TMC1: variants seen among roughly 807,000 people sequenced by gnomAD.
The protein encoded by TMC1 is transmembrane channel like 1, also known as transmembrane channel-like protein 1.
Under a neutral mutation model 105.8 loss-of-function variants are expected in TMC1, and 84 were observed. The observed-to-expected ratio is 0.79, with a 90% CI of 0.67 to 0.95. The LOEUF (loss-of-function observed/expected upper bound fraction) is 0.95. Among genes scored for constraint, TMC1 ranks in the 40% least tolerant of loss-of-function variants. The probability of loss-of-function intolerance (pLI) is 0.00; values close to 1 mark genes in which losing one functional copy is unlikely to be tolerated. For missense variants in TMC1, 817 were observed against 914.1 expected, an observed-to-expected ratio of 0.89 and a Z score of 1.37; for synonymous variants, 315 against 311.5, an observed-to-expected ratio of 1.01 and a Z score of -0.12.
chr9:72,673,909 C>T (rs1826163266), intron 5 of TMC1, among the ~76,000 whole-genome samples: 1 of 152,024 alleles, frequency 6.6e-6, no homozygotes, highest in Admixed American at 6.6e-5. Context: ...AAATATTTCC[C>T]AACTCTCCCT....
intron 8 of TMC1, among the ~76,000 whole-genome samples, chr9:72,731,577 C>T (rs1179613564): frequency 1.3e-5 from 2 of 152,162 alleles, no homozygotes; most frequent in Admixed American, 6.5e-5. Context: ...TCTTGTATAT[C>T]ATTGTTGAAA....
At chr9:72,751,520 A>C (rs1182459805) in intron 10 of TMC1, among the ~76,000 whole-genome samples, 1 of 152,246 alleles carries the variant, frequency 6.6e-6, no homozygotes, top group Non-Finnish European at 1.5e-5. Flanking sequence ...GTATTAACTC[A>C]AGAAATAAAA....
chr9:72,760,170 A>G (rs1386587237), intron 12 of TMC1, among the ~76,000 whole-genome samples: 2 of 152,124 alleles, frequency 1.3e-5, no homozygotes, highest in Non-Finnish European at 2.9e-5. Flanking sequence ...TTGGTTGGTT[A>G]GCAAAGTTCT....
In TMC1 at chr9:72,789,253, T is replaced by C. The variant is rs1828222634; in HGVS notation, c.1160T>C (p.Val387Ala). 6.2e-7 allele frequency: 1 copy of C among 1,614,110 alleles called. No homozygotes were observed. The highest frequency in any genetic ancestry group is 8.5e-7 in the Non-Finnish European group (1 of 1,179,952). Residue 387 changes from valine to alanine, a missense_variant, in exon 15 of 24, where the codon GTG becomes GCG. Transcript: ENST00000297784. The stretch of plus-strand genomic sequence containing the variant: ...AGTGGATACCTCATCTTTTGGGCTG[T>C]GAAGCGATCCCAGGAATTTGCACAG... ...GGSGYLIFWAVKRSQEFAQQD... is the reference protein window; with the variant it reads ...GGSGYLIFWAAKRSQEFAQQD...
chr9:72,755,646 C>T (rs1446983061), intron 12 of TMC1, among the ~76,000 whole-genome samples: 1 of 152,022 alleles, frequency 6.6e-6, no homozygotes, highest in Non-Finnish European at 1.5e-5. Flanking sequence ...TAAGTAGTGA[C>T]TAGACTAGAA....
At chr9:72,617,908 GGTGTGTGTGTGTGTGTGTGT>G (rs58657161) in intron 3 of TMC1, among the ~76,000 whole-genome samples, 2 of 144,316 alleles carry the variant, frequency 1.4e-5, no homozygotes, top group African/African-American at 2.6e-5. Flanking sequence ...GTCTATGTGT[GGTGTGTGTGTGTGTGTGTGT>G]GTGTGTGTGT....
At chr9:72,775,846 T>C (rs1190499827) in intron 13 of TMC1, among the ~76,000 whole-genome samples, 1 of 152,158 alleles carries the variant, frequency 6.6e-6, no homozygotes, top group African/African-American at 2.4e-5. Context: ...GAGATCACGA[T>C]GGTGAGATAG....
intron 13 of TMC1, among the ~76,000 whole-genome samples, chr9:72,773,838 A>C (rs527288409): frequency 3.3e-5 from 5 of 152,230 alleles, no homozygotes; most frequent in Admixed American, 6.5e-5. Flanking sequence ...CATTCTGCCT[A>C]GGTTCAAATC....
At chr9:72,604,703 G>T (rs1824879199) in intron 2 of TMC1, among the ~76,000 whole-genome samples, 1 of 152,166 alleles carries the variant, frequency 6.6e-6, no homozygotes, top group Admixed American at 6.5e-5. Flanking sequence ...ATGCTGGTTG[G>T]GTGAATTCAG....
chr9:72,804,654 A>G (rs73647825), intron 17 of TMC1, among the ~76,000 whole-genome samples: 2,609 of 152,236 alleles, frequency 0.017, 65 homozygotes, highest in African/African-American at 0.055. Context: ...CTAAAAGTGG[A>G]TTTTCTTGAT....
At chr9:72,820,534 A>G (rs1828850008) in intron 19 of TMC1, among the ~76,000 whole-genome samples, 2 of 152,216 alleles carry the variant, frequency 1.3e-5, no homozygotes, top group African/African-American at 4.8e-5. Context: ...AAGTAAAACA[A>G]TTGTAAATAT....
intron 4 of TMC1, among the ~76,000 whole-genome samples, chr9:72,646,819 A>G (rs912860251): frequency 2.0e-5 from 3 of 151,880 alleles, no homozygotes; most frequent in Admixed American, 1.3e-4. Flanking sequence ...ATAATAAAAC[A>G]GTTCTTTATT....
At chr9:72,564,972 G>C (rs567118775) in intron 1 of TMC1, among the ~76,000 whole-genome samples, 1 of 152,128 alleles carries the variant, frequency 6.6e-6, no homozygotes, top group Non-Finnish European at 1.5e-5. Context: ...AACTACTTAC[G>C]TATGTAATTT....
intron 8 of TMC1, among the ~76,000 whole-genome samples, chr9:72,734,815 A>G (rs1005315890): frequency 2.0e-5 from 3 of 152,204 alleles, no homozygotes; most frequent in African/African-American, 4.8e-5. Flanking sequence ...TTGTTGCTCA[A>G]TCATACTATC....
intron 8 of TMC1, among the ~76,000 whole-genome samples, chr9:72,718,779 T>C (rs1324355811): frequency 2.0e-5 from 3 of 152,274 alleles, no homozygotes; most frequent in Admixed American, 2.0e-4. Context: ...CAAGAAAATA[T>C]GAACTTTGTC....
chr9:72,564,971 C>T (rs148977549), intron 1 of TMC1, among the ~76,000 whole-genome samples: 169 of 152,238 alleles, frequency 1.1e-3, no homozygotes, highest in African/African-American at 3.8e-3. Flanking sequence ...TAACTACTTA[C>T]GTATGTAATT....
intron 1 of TMC1, among the ~76,000 whole-genome samples, chr9:72,570,417 A>C (rs6560292): frequency 0.58 from 87,420 of 151,802 alleles, 26,915 homozygotes; most frequent in African/African-American, 0.81. Flanking sequence ...AGAAAAAAAA[A>C]CTCTGAAATA....
intron 2 of TMC1, among the ~76,000 whole-genome samples, chr9:72,588,775 AT>A (rs34222467): frequency 0.077 from 10,904 of 141,456 alleles, 423 homozygotes; most frequent in Middle Eastern, 0.096. Context: ...GAAAAACAAG[AT>A]TTTTTTTTTT....
At chr9:72,779,878 G>A (rs1213018264) in intron 13 of TMC1, among the ~76,000 whole-genome samples, 4 of 152,154 alleles carry the variant, frequency 2.6e-5, no homozygotes, top group Non-Finnish European at 5.9e-5. Context: ...ATCCTCACTA[G>A]AGAGGTCAAC....
Sources: allele counts gnomAD v4.1 joint callset (sites outside exome capture counted in the v4.1 genomes callset), GRCh38; gene constraint gnomAD v4.1.1; transcripts MANE v1.5; gene names NCBI Gene and HGNC (gene_info 2026-07-23, HGNC 2026-07-21).